The following GPR152 variants were observed in gnomAD, a reference collection of about 807,000 sequenced individuals.
GPR152 encodes probable G protein-coupled receptor 152.
For synonymous variants in GPR152, 278 were observed against 289.0 expected, an observed-to-expected ratio of 0.96 and a Z score of 0.39; for missense variants, 549 against 617.2, an observed-to-expected ratio of 0.89 and a Z score of 1.17.
rs560127653 is a variant in GPR152, at chr11:67,452,265, C to T, written c.460G>A (p.Gly154Ser). The T allele has an allele frequency of 2.5e-5, 40 of 1,610,694 alleles. No homozygotes were observed. Among genetic ancestry groups the T allele is most frequent in the Middle Eastern group, 1.7e-4 (1 of 6,060 alleles). The change falls in exon 1 of 1, where the codon GGT becomes AGT. Residue 154 changes from glycine (G) to serine (S), a missense_variant. Coordinates refer to ENST00000312457, the MANE Select transcript of GPR152 (RefSeq NM_206997.1). ...AAGAGTGTGGCCAGCACCCAGACAC[C>T]GGCGCAGACCCAGAGGGGCAGGCGG... Reference protein sequence around the residue: ...PVRLPLWVCAGVWVLATLFSV... With the variant: ...PVRLPLWVCASVWVLATLFSV...
Position 67,451,867 on chromosome 11 carries a change from G to A in GPR152, c.858C>T (p.Leu286=), listed in dbSNP as rs567706697. 6.2e-7 allele frequency: 1 copy of A among 1,612,962 alleles called. No individual in the cohort carries two copies. Among genetic ancestry groups the A allele is most frequent in the Admixed American group, 1.7e-5 (1 of 60,028 alleles). Residue 286 remains leucine (L), a synonymous_variant, in exon 1 of 1, where the codon CTC becomes CTT. Transcript: ENST00000312457. The part of the protein sequence containing the change: ...ALVYSDYLIL[L]NSCLSPFLCL... ...AGAGGAAGGGGCTGAGGCAGCTGTT[G>A]AGTAGGATCAGGTAGTCGGAGTAGA...
chr11:67,451,688 G>A lies in GPR152; in HGVS notation c.1037C>T (p.Ala346Val). Residue 346 changes from alanine to valine, a missense_variant, in exon 1 of 1, where the codon GCA (alanine) becomes GTA (valine). Physicochemically the swap from Ala to Val is moderately conservative, Grantham distance 64 (BLOSUM62 0). Coordinates refer to ENST00000312457, the MANE Select transcript of GPR152 (RefSeq NM_206997.1). ...SEGPTLPEPM[A>V]EAQSQMDPVA... is the part of the protein sequence containing the mutation. ...AGGATCCATCTGTGACTGGGCCTCT[G>A]CCATCGGCTCTGGCAGAGTTGGACC... 1 of 1,613,892 alleles carries A rather than the reference G, an allele frequency of 6.2e-7. No individual in the cohort carries two copies. Among genetic ancestry groups the A allele is most frequent in the East Asian group, 2.2e-5 (1 of 44,884 alleles).
rs1864561383 is a variant in GPR152, at chr11:67,451,588, CGTAGGGTTCAGCTGTGGCTGAGCT to C, written c.1113_1136del (p.Leu376_Gln383del). The C allele has an allele frequency of 1.2e-6, 2 of 1,613,844 alleles. No individual in the cohort carries two copies. Among genetic ancestry groups the C allele is most frequent in the African/African-American group, 2.7e-5 (2 of 75,008 alleles). On this transcript the variant is annotated inframe_deletion, in exon 1 of 1. Transcript: ENST00000312457. ...CTGTGGGATCCGACTGTGGCTGGGCCGTAGGGTTCAGCTGTGGCTGAGCTGTGGGATCCGATCGTGGCTGGAGTG... is the reference window on the plus strand; with the variant it reads ...CTGTGGGATCCGACTGTGGCTGGGCCGTGGGATCCGATCGTGGCTGGAGTG...
Position 67,452,047 on chromosome 11 carries a change from T to C in GPR152, c.678A>G (p.Gln226=). Residue 226 remains glutamine (Q), a synonymous_variant, in exon 1 of 1, where the codon CAA becomes CAG. Transcript: ENST00000312457. ...QATACRTCHR[Q]QQPAACRGFA... Reference sequence around the variant, plus strand: ...AGCCCCGGCAGGCTGCGGGCTGCTGTTGGCGGTGGCAGGTGCGACAGGCTG... The same window carrying C: ...AGCCCCGGCAGGCTGCGGGCTGCTGCTGGCGGTGGCAGGTGCGACAGGCTG... The C allele has an allele frequency of 6.2e-7, 1 of 1,612,346 alleles. No individual in the cohort carries two copies. The highest frequency in any genetic ancestry group is 8.5e-7 in the Non-Finnish European group (1 of 1,179,804).
chr11:67,451,771 G>C lies in GPR152; in HGVS notation c.954C>G (p.Cys318Trp), dbSNP rs145897875. The change falls in exon 1 of 1, where the codon TGC becomes TGG. Residue 318 changes from cysteine to tryptophan, a missense_variant. Coordinates refer to ENST00000312457, the MANE Select transcript of GPR152 (RefSeq NM_206997.1). ...GCGTGAAGCTGCCCGGCCGCTCCTC[G>C]CAGAGAGCTGCCGCGAAGGACGAGA... ...SVLSSFAAAL[C>W]EERPGSFTPT... The C allele has an allele frequency of 1.6e-3, 2,605 of 1,613,176 alleles. 15 individuals are homozygous for C. The highest frequency in any genetic ancestry group is 3.3e-3 in the Middle Eastern group (20 of 6,062).
In GPR152 at chr11:67,451,492, G is replaced by T; in HGVS notation, c.1233C>A (p.Asn411Lys). The change falls in exon 1 of 1, where the codon AAC becomes AAA. Residue 411 changes from asparagine (N) to lysine (K), a missense_variant. Physicochemically the swap from Asn to Lys is moderately conservative, Grantham distance 94 (BLOSUM62 0). Transcript: ENST00000312457. ...TGGCAGCAGGTGCAGGGGTCTGGAC[G>T]TTAGTGTCTGCCTGTGGCTGGGCCA... ...DSVAQPQADT[N>K]VQTPAPAASS... 1 of 1,614,170 alleles carries T rather than the reference G, an allele frequency of 6.2e-7. No homozygotes were observed.
rs1172828716 is a variant in GPR152 at position 67,452,446 on chromosome 11, A to G, written c.279T>C (p.His93=). 1.9e-6 allele frequency: 3 copies of G among 1,612,560 alleles called. No homozygotes were observed. In the African/African-American group the frequency reaches 4.0e-5, roughly 21 times the overall value. ...AAAFQILEIR[H]GGHWPLGTAA... ...CTGTCCCCAGCGGCCAGTGTCCCCC[A>G]TGCCGGATCTCTAGGATCTGGAAGG... Residue 93 remains histidine (H), a synonymous_variant, in exon 1 of 1, where the codon CAT becomes CAC. Coordinates refer to ENST00000312457, the MANE Select transcript of GPR152 (RefSeq NM_206997.1).
chr11:67,452,391 C>T lies in GPR152; in HGVS notation c.334G>A (p.Gly112Ser), dbSNP rs761970403. 6.2e-7 allele frequency: 1 copy of T among 1,612,786 alleles called. No homozygotes were observed. The highest frequency in any genetic ancestry group is 1.7e-5 in the Admixed American group (1 of 59,980). Residue 112 changes from glycine (G) to serine (S), a missense_variant, in exon 1 of 1, where the codon GGC (glycine) becomes AGC (serine). Gly to Ser is a moderately conservative substitution (Grantham distance 56). Transcript: ENST00000312457. Reference sequence around the variant, plus strand: ...AAGAGGCCGGAGGAGTAGGACACGCCCCATAGGAAGTAGTAGAAGCGGCAG... The same window carrying T: ...AAGAGGCCGGAGGAGTAGGACACGCTCCATAGGAAGTAGTAGAAGCGGCAG... ...AACRFYYFLW[G>S]VSYSSGLFLL...
At position 67,451,764 on chromosome 11, in the gene GPR152, G is replaced by C; in HGVS notation, c.961C>G (p.Arg321Gly). The change falls in exon 1 of 1, where the codon CGG becomes GGG. Residue 321 changes from arginine to glycine, a missense_variant. By Grantham distance (125) the Arg-to-Gly change is moderately radical. Coordinates refer to ENST00000312457, the MANE Select transcript of GPR152 (RefSeq NM_206997.1). ...TCAGTGGGCGTGAAGCTGCCCGGCC[G>C]CTCCTCGCAGAGAGCTGCCGCGAAG... The part of the protein sequence containing the change: ...SSFAAALCEE[R>G]PGSFTPTEPQ... 1 of 1,613,200 alleles carries C rather than the reference G, an allele frequency of 6.2e-7. No individual in the cohort carries two copies. The highest frequency in any genetic ancestry group is 8.5e-7 in the Non-Finnish European group (1 of 1,180,028).
Position 67,451,503 on chromosome 11 carries a change from C to T in GPR152, c.1222G>A (p.Ala408Thr). The T allele has an allele frequency of 1.2e-6, 2 of 1,614,138 alleles. No homozygotes were observed. The highest frequency in any genetic ancestry group is 1.7e-6 in the Non-Finnish European group (2 of 1,180,022). The change falls in exon 1 of 1, where the codon GCA (alanine) becomes ACA (threonine). Residue 408 changes from alanine (A) to threonine (T), a missense_variant. Coordinates refer to ENST00000312457, the MANE Select transcript of GPR152 (RefSeq NM_206997.1). ...PQSDSVAQPQADTNVQTPAPA... is the reference protein window; with the variant it reads ...PQSDSVAQPQTDTNVQTPAPA... Reference sequence around the variant, plus strand: ...GCAGGGGTCTGGACGTTAGTGTCTGCCTGTGGCTGGGCCACAGAATCTGAC... The same window carrying T: ...GCAGGGGTCTGGACGTTAGTGTCTGTCTGTGGCTGGGCCACAGAATCTGAC...
chr11:67,452,636 C>A lies in GPR152; in HGVS notation c.89G>T (p.Gly30Val). 2 of 1,613,596 alleles carry A rather than the reference C, an allele frequency of 1.2e-6. No individual in the cohort carries two copies. The highest frequency in any genetic ancestry group is 1.7e-4 in the Middle Eastern group (1 of 6,054). ...LDDEDSYPQG[G>V]WDTVFLVALL... Reference sequence around the variant, plus strand: ...GGCCACCAGGAAGACCGTGTCCCAGCCACCTTGGGGGTAGGAGTCCTCATC... The same window carrying A: ...GGCCACCAGGAAGACCGTGTCCCAGACACCTTGGGGGTAGGAGTCCTCATC... The change falls in exon 1 of 1, where the codon GGC becomes GTC. Residue 30 changes from glycine (G) to valine (V), a missense_variant. Transcript: ENST00000312457.
In GPR152 at chr11:67,452,040, G is replaced by A; in HGVS notation, c.685C>T (p.Pro229Ser). 1 of 1,612,372 alleles carries A rather than the reference G, an allele frequency of 6.2e-7. No individual in the cohort carries two copies. Among genetic ancestry groups the A allele is most frequent in the Non-Finnish European group, 8.5e-7 (1 of 1,179,838 alleles). The change falls in exon 1 of 1, where the codon CCC (proline) becomes TCC (serine). Residue 229 changes from proline to serine, a missense_variant. By Grantham distance (74) the Pro-to-Ser change is moderately conservative (BLOSUM62 -1). Transcript: ENST00000312457. ...ACRTCHRQQQ[P>S]AACRGFARVA... ...CGGGCGAAGCCCCGGCAGGCTGCGG[G>A]CTGCTGTTGGCGGTGGCAGGTGCGA...
In GPR152 at chr11:67,451,608, G is replaced by A. The variant is rs750564354; in HGVS notation, c.1117C>T (p.Gln373Ter). ...TGGGCCGTAGGGTTCAGCTGTGGCT[G>A]AGCTGTGGGATCCGATCGTGGCTGG... ...TLQPRSDPTAQPQLNPTAQPQ... is the reference protein window; with the variant it reads ...TLQPRSDPTA Residue 373 changes from glutamine to a stop codon, truncating the protein, a stop_gained, in exon 1 of 1, where the codon CAG becomes TAG. Coordinates refer to ENST00000312457, the MANE Select transcript of GPR152 (RefSeq NM_206997.1). LOFTEE classifies it low-confidence loss of function (END_TRUNC). The A allele has an allele frequency of 1.9e-6, 3 of 1,613,630 alleles. No individual in the cohort carries two copies. Among genetic ancestry groups the A allele is most frequent in the Non-Finnish European group, 2.5e-6 (3 of 1,179,702 alleles).
rs1790756 is a variant in GPR152, at chr11:67,452,533, C to T, written c.192G>A (p.Thr64=). 36,359 of 1,606,240 alleles carry T rather than the reference C, an allele frequency of 0.023. 6,612 individuals carry two copies. The African/African-American group carries it at 0.41, about 18-fold the overall frequency. Residue 64 remains threonine, a synonymous_variant, in exon 1 of 1, where the codon ACG becomes ACA. Coordinates refer to ENST00000312457, the MANE Select transcript of GPR152 (RefSeq NM_206997.1). ...GGCTGAGCAGGAGCAGCGCCAGACG[C>T]GTGCCAGCTCCATGCCGGGCCTGGG... ...AGSQARHGAG[T]RLALLLLSLA...
At position 67,452,642 on chromosome 11, in the gene GPR152, TG is replaced by T. The variant is rs757144127; in HGVS notation, c.82del (p.Gln28LysfsTer22). 8.1e-6 allele frequency: 13 copies of T among 1,613,294 alleles called. No individual in the cohort carries two copies. The highest frequency in any genetic ancestry group is 1.1e-5 in the Non-Finnish European group (13 of 1,179,686). Reference sequence around the variant, plus strand: ...CAGGAAGACCGTGTCCCAGCCACCTTGGGGGTAGGAGTCCTCATCATCAAGC... The same window carrying T: ...CAGGAAGACCGTGTCCCAGCCACCTTGGGGTAGGAGTCCTCATCATCAAGC... Reference protein sequence around the residue: ...TELDDEDSYPQGGWDTVFLVA... With the variant: ...TELDDEDSYPXGGWDTVFLVA... On this transcript the variant is annotated frameshift_variant, in exon 1 of 1. Transcript: ENST00000312457. LOFTEE classifies it low-confidence loss of function (END_TRUNC).
In GPR152 at chr11:67,451,381, A is replaced by AGGTGTG; in HGVS notation, c.1338_1343dup (p.Thr447_Pro448dup). On this transcript the variant is annotated inframe_insertion, in exon 1 of 1. Transcript: ENST00000312457. ...TGGGGCTTTCTCCTTCAGAGGCAGG[A>AGGTGTG]GGTGTGGCTGGGTCCTCAAGGGCCC... 6.2e-7 allele frequency: 1 copy of AGGTGTG among 1,610,274 alleles called. No homozygotes were observed. The highest frequency in any genetic ancestry group is 8.5e-7 in the Non-Finnish European group (1 of 1,177,570).
At position 67,452,261 on chromosome 11, in the gene GPR152, A is replaced by G; in HGVS notation, c.464T>C (p.Val155Ala). Residue 155 changes from valine (V) to alanine (A), a missense_variant, in exon 1 of 1, where the codon GTC (valine) becomes GCC (alanine). Val to Ala is a moderately conservative substitution (Grantham distance 64, BLOSUM62 0). Coordinates refer to ENST00000312457, the MANE Select transcript of GPR152 (RefSeq NM_206997.1). Reference protein sequence around the residue: ...VRLPLWVCAGVWVLATLFSVP... With the variant: ...VRLPLWVCAGAWVLATLFSVP... ...GCTGAAGAGTGTGGCCAGCACCCAG[A>G]CACCGGCGCAGACCCAGAGGGGCAG... 6.2e-7 allele frequency: 1 copy of G among 1,610,590 alleles called. No individual in the cohort carries two copies. Among genetic ancestry groups the G allele is most frequent in the South Asian group, 1.1e-5 (1 of 91,078 alleles).
rs145897875 is a variant in GPR152, at chr11:67,451,771, G to T, written c.954C>A (p.Cys318Ter). 5.0e-6 allele frequency: 8 copies of T among 1,613,058 alleles called. No individual in the cohort carries two copies. The highest frequency in any genetic ancestry group is 6.8e-6 in the Non-Finnish European group (8 of 1,180,028). The stretch of plus-strand genomic sequence containing the variant: ...GCGTGAAGCTGCCCGGCCGCTCCTC[G>T]CAGAGAGCTGCCGCGAAGGACGAGA... ...SVLSSFAAALCEERPGSFTPT... is the reference protein window; with the variant it reads ...SVLSSFAAAL The change falls in exon 1 of 1, where the codon TGC (cysteine) becomes TGA (stop). Residue 318 changes from cysteine (C) to a stop codon, truncating the protein, a stop_gained. Transcript: ENST00000312457. LOFTEE classifies it low-confidence loss of function (END_TRUNC).
Position 67,451,690 on chromosome 11 carries a change from C to T in GPR152, c.1035G>A (p.Met345Ile). Residue 345 changes from methionine to isoleucine, a missense_variant, in exon 1 of 1, where the codon ATG becomes ATA. Transcript: ENST00000312457. ...DSEGPTLPEP[M>I]AEAQSQMDPV... ...GATCCATCTGTGACTGGGCCTCTGC[C>T]ATCGGCTCTGGCAGAGTTGGACCCT... 4 of 1,613,940 alleles carry T rather than the reference C, an allele frequency of 2.5e-6. No homozygotes were observed. The highest frequency in any genetic ancestry group is 2.2e-5 in the East Asian group (1 of 44,886).
Sources: allele counts gnomAD v4.1 joint callset, GRCh38; gene constraint gnomAD v4.1.1; transcripts MANE v1.5; gene names NCBI Gene and HGNC (gene_info 2026-07-23, HGNC 2026-07-21).